RUNX1: variants seen among roughly 807,000 people sequenced by gnomAD.
RUNX1 encodes RUNX family transcription factor 1.
In RUNX1, 19 loss-of-function variants were observed where a neutral mutation model predicts 42.8. The ratio of observed to expected loss-of-function variants is 0.44; its 90% confidence interval spans 0.31 to 0.65. The LOEUF (loss-of-function observed/expected upper bound fraction) is 0.65, where lower values mean the gene tolerates loss of function less well. Ranked by LOEUF, RUNX1 falls within the 30% of genes least tolerant of loss-of-function variation. The pLI is 0.07. For missense variants in RUNX1, 528 were observed against 672.0 expected (o/e 0.79, Z 2.37); for synonymous variants, 271 against 289.4 (o/e 0.94, Z 0.64).
intron 2 of RUNX1, among the ~76,000 whole-genome samples, chr21:34,897,614 A>T (rs1240261075): frequency 6.6e-6 from 1 of 152,208 alleles, no homozygotes; most frequent in Non-Finnish European, 1.5e-5. Flanking sequence ...GGTGAGAGGA[A>T]GTGGTGGAAC....
intron 5 of RUNX1, among the ~76,000 whole-genome samples, chr21:34,865,407 G>T (rs966106691): frequency 7.9e-5 from 12 of 151,928 alleles, no homozygotes; most frequent in African/African-American, 2.9e-4. Flanking sequence ...GCCAGCTGGC[G>T]ACCTTTGTAA....
At chr21:35,027,366 G>A (rs528846682) in intron 2 of RUNX1, among the ~76,000 whole-genome samples, 5 of 152,240 alleles carry the variant, frequency 3.3e-5, no homozygotes, top group African/African-American at 1.2e-4. Flanking sequence ...CTGGGCTGAG[G>A]CCTCAGATTC....
At chr21:34,956,092 T>C (rs895519831) in intron 2 of RUNX1, among the ~76,000 whole-genome samples, 3 of 152,132 alleles carry the variant, frequency 2.0e-5, no homozygotes, top group Non-Finnish European at 4.4e-5. Flanking sequence ...AAAAGATGTG[T>C]TTTTGTTTTT....
Position 34,973,596 on chromosome 21 carries a change from C to T in RUNX1, c.58+75246G>A, listed in dbSNP as rs142090725. Among the ~76,000 whole-genome samples, 178 of 152,338 alleles carry T rather than the reference C, an allele frequency of 1.2e-3. 1 individual carries two copies. The highest frequency in any genetic ancestry group is 2.2e-3 in the Non-Finnish European group (151 of 68,040). On this transcript the variant is annotated intron_variant, in intron 2 of 8. Transcript: ENST00000675419. ...TCCATTCTTCATGCATTCATCATTA[C>T]AATCCTCCTATAAATCTGCTTGTAA...
chr21:34,889,753 A>AGGGCCCGGGCCC (rs572877317), intron 3 of RUNX1: 1 of 1,160,762 alleles, frequency 8.6e-7, no homozygotes, highest in African/African-American at 1.6e-5. Context: ...CGGAGCTCGG[A>AGGGCCCGGGCCC]GGGCCCCGCC....
At chr21:34,859,748 T>A (rs910541650) in intron 5 of RUNX1, among the ~76,000 whole-genome samples, 170 bp from the exon 6 acceptor site, 7 of 152,238 alleles carry the variant, frequency 4.6e-5, no homozygotes, top group Non-Finnish European at 1.0e-4. Context: ...ACACCTATGA[T>A]AGTTGCCTAA....
At chr21:34,802,709 C>T (rs1324746463) in intron 7 of RUNX1, among the ~76,000 whole-genome samples, 1 of 152,106 alleles carries the variant, frequency 6.6e-6, no homozygotes, top group Non-Finnish European at 1.5e-5. Context: ...AAACAAGAAC[C>T]CTAGTGGTAT....
intron 5 of RUNX1, among the ~76,000 whole-genome samples, chr21:34,877,737 G>A (rs180848784): frequency 6.6e-6 from 1 of 152,326 alleles, no homozygotes; most frequent in Non-Finnish European, 1.5e-5. Flanking sequence ...CCAGCGCCCA[G>A]ATAGATTCGT....
intron 6 of RUNX1, among the ~76,000 whole-genome samples, chr21:34,846,592 A>G: frequency 1.6e-4 from 1 of 6,442 alleles, no homozygotes. Context: ...TGAGCTGCTG[A>G]GATTGACTGA....
chr21:34,806,355 T>C (rs1431324446), intron 7 of RUNX1, among the ~76,000 whole-genome samples: 2 of 152,202 alleles, frequency 1.3e-5, no homozygotes, highest in Non-Finnish European at 2.9e-5. Flanking sequence ...TATACAAAGC[T>C]GACTTCAGAG....
Position 35,007,560 on chromosome 21 carries a change from C to G in RUNX1, c.58+41282G>C, listed in dbSNP as rs143690653. ...ACCACTTCCCCTTCCCTGGCTCCACCCTTTGTCTCCCTGCAGTGTTTCTCC... is the reference window on the plus strand; with the variant it reads ...ACCACTTCCCCTTCCCTGGCTCCACGCTTTGTCTCCCTGCAGTGTTTCTCC... On this transcript the variant is annotated intron_variant, in intron 2 of 8. Transcript: ENST00000675419. Among the ~76,000 whole-genome samples the G allele has an allele frequency of 5.4e-3, 815 of 152,268 alleles. 4 individuals carry two copies. Among genetic ancestry groups the G allele is most frequent in the African/African-American group, 0.018 (758 of 41,548 alleles).
intron 5 of RUNX1, among the ~76,000 whole-genome samples, chr21:34,868,389 T>C (rs1206686566): frequency 6.6e-6 from 1 of 152,134 alleles, no homozygotes; most frequent in Non-Finnish European, 1.5e-5. Context: ...TAGTTATAAG[T>C]GGTTCTCCAT....
intron 2 of RUNX1, among the ~76,000 whole-genome samples, chr21:34,906,836 T>C (rs1353438948): frequency 6.6e-6 from 1 of 152,166 alleles, no homozygotes; most frequent in Admixed American, 6.5e-5. Context: ...AGAACCCAGA[T>C]AGATGGATAA....
intron 2 of RUNX1, among the ~76,000 whole-genome samples, chr21:35,022,751 G>A (rs1418665950): frequency 6.6e-6 from 1 of 151,926 alleles, no homozygotes; most frequent in Non-Finnish European, 1.5e-5. Flanking sequence ...AAAAGCTAGT[G>A]GGGTGTGGTG....
chr21:34,889,594 G>C, intron 3 of RUNX1: 1 of 936,222 alleles, frequency 1.1e-6, no homozygotes, highest in Non-Finnish European at 1.3e-6. Flanking sequence ...CGGGCCCCGC[G>C]TCTCCCCTCC....
intron 2 of RUNX1, among the ~76,000 whole-genome samples, chr21:34,953,454 T>A (rs986219453): frequency 6.6e-6 from 1 of 152,140 alleles, no homozygotes; most frequent in African/African-American, 2.4e-5. Context: ...GTGGACATGA[T>A]GTCCAGAGCT....
At chr21:34,924,210 C>T (rs2058375759) in intron 2 of RUNX1, among the ~76,000 whole-genome samples, 3 of 152,220 alleles carry the variant, frequency 2.0e-5, no homozygotes, top group Admixed American at 2.0e-4. Flanking sequence ...AGCTCCTCTC[C>T]TCATTTCCTT....
intron 6 of RUNX1, among the ~76,000 whole-genome samples, chr21:34,839,356 C>T: frequency 6.6e-6 from 1 of 151,532 alleles, no homozygotes; most frequent in East Asian, 1.9e-4. Context: ...CTCACCGACA[C>T]ACACACTCGG....
chr21:34,930,293 A>ATAT (rs1569110404), intron 2 of RUNX1, among the ~76,000 whole-genome samples: 1 of 125,538 alleles, frequency 8.0e-6, no homozygotes, highest in Non-Finnish European at 1.6e-5. Context: ...TATATATATA[A>ATAT]ATAAATAAAT....
Sources: allele counts gnomAD v4.1 joint callset (sites outside exome capture counted in the v4.1 genomes callset), GRCh38; gene constraint gnomAD v4.1.1; transcripts MANE v1.5; gene names NCBI Gene and HGNC (gene_info 2026-07-23, HGNC 2026-07-21).